Variants in SNAPC1 observed in about 807,000 individuals in gnomAD.
SNAPC1 encodes small nuclear RNA activating complex polypeptide 1, also known as snRNA-activating protein complex subunit 1.
A neutral mutation model predicts 50.1 loss-of-function variants in SNAPC1; 42 were observed. That is an observed-to-expected ratio of 0.84 (90% CI 0.65 to 1.08). SNAPC1 has a LOEUF of 1.08. Ranked by LOEUF, SNAPC1 falls within the 50% of genes least tolerant of loss-of-function variation. SNAPC1 has a pLI of 0.00. For missense variants in SNAPC1, 477 were observed against 427.3 expected (o/e 1.12, Z -1.02); for synonymous variants, 164 against 144.2 (o/e 1.14, Z -0.98).
chr14:61,762,436 C>G lies in SNAPC1; in HGVS notation c.-25C>G. 6.2e-7 allele frequency: 1 copy of G among 1,607,430 alleles called. No individual in the cohort carries two copies. ...TAGTCCGTTAGAGGCGTGCGGGCTT[C>G]GGAGGCGTGCGGGCTTCGGGTGCCA... On this transcript the variant is annotated 5_prime_UTR_variant, in exon 1 of 10. Transcript: ENST00000216294.
At chr14:61,792,473 A>G (rs909536961) in intron 8 of SNAPC1, among the ~76,000 whole-genome samples, 1 of 152,164 alleles carries the variant, frequency 6.6e-6, no homozygotes. Context: ...TTGAAGTAAC[A>G]TATGTGATTA....
intron 4 of SNAPC1, among the ~76,000 whole-genome samples, chr14:61,772,864 T>C (rs1312872243): frequency 6.6e-6 from 1 of 152,196 alleles, no homozygotes; most frequent in African/African-American, 2.4e-5. Context: ...AGCTATGAAA[T>C]GCCTATACCT....
intron 8 of SNAPC1, among the ~76,000 whole-genome samples, chr14:61,785,565 A>T: frequency 6.6e-6 from 1 of 152,230 alleles, no homozygotes; most frequent in Admixed American, 6.5e-5. Flanking sequence ...ATACAACCTC[A>T]GGAAGTCCTG....
intron 2 of SNAPC1, 60 bp downstream of exon 2, chr14:61,767,095 T>C (rs2044953701): frequency 8.8e-7 from 1 of 1,132,382 alleles, no homozygotes; most frequent in African/African-American, 1.6e-5. Context: ...CATATTTTTA[T>C]AATAAATATT....
chr14:61,786,138 A>C (rs2045114552), intron 8 of SNAPC1, among the ~76,000 whole-genome samples: 1 of 152,230 alleles, frequency 6.6e-6, no homozygotes, highest in Non-Finnish European at 1.5e-5. Context: ...CTTATCCAAA[A>C]AAAAATTCAA....
intron 3 of SNAPC1, 106 bp from the exon 4 acceptor site, chr14:61,768,530 A>G: frequency 1.7e-6 from 1 of 597,846 alleles, no homozygotes; most frequent in Non-Finnish European, 2.9e-6. Flanking sequence ...GTTTTGTTTT[A>G]TCTGTGTTTA....
intron 9 of SNAPC1, among the ~76,000 whole-genome samples, chr14:61,794,395 T>G (rs1051474938): frequency 6.6e-6 from 1 of 152,086 alleles, no homozygotes; most frequent in Non-Finnish European, 1.5e-5. Context: ...TTTGTTGTTA[T>G]GTGTTTTTTT....
intron 4 of SNAPC1, among the ~76,000 whole-genome samples, chr14:61,771,619 G>C (rs2044992053): frequency 1.3e-5 from 2 of 152,186 alleles, no homozygotes; most frequent in African/African-American, 4.8e-5. Context: ...AAGTTTTAGA[G>C]ATTGGAGAGA....
intron 8 of SNAPC1, among the ~76,000 whole-genome samples, chr14:61,788,093 T>C (rs2045127665): frequency 6.6e-6 from 1 of 152,216 alleles, no homozygotes; most frequent in African/African-American, 2.4e-5. Flanking sequence ...AACAACTGTT[T>C]TGTAAATTCT....
At chr14:61,778,716 C>T in intron 6 of SNAPC1, 132 bp from the exon 7 acceptor site, 1 of 657,096 alleles carries the variant, frequency 1.5e-6, no homozygotes, top group Non-Finnish European at 2.7e-6. Flanking sequence ...AATGTATACC[C>T]AATGTATGTT....
At position 61,796,214 on chromosome 14, in the gene SNAPC1, A is replaced by C. The variant is rs1481474146; in HGVS notation, c.*1231A>C. ...GCCAGGCGTGGTGGCGGGCGCCTGT[A>C]ATCCCAGCTACTCGGGAAGCTGAGG... is the stretch of plus-strand genomic sequence containing the variant. On this transcript the variant is annotated 3_prime_UTR_variant, in exon 10 of 10. Transcript: ENST00000216294. 6.6e-6 allele frequency: 1 copy of C among 152,338 alleles called. No homozygotes were observed. Among genetic ancestry groups the C allele is most frequent in the Non-Finnish European group, 1.5e-5 (1 of 68,214 alleles). The allele number at this position is 152,338 out of a possible 1,614,324, so 9.4% of individuals were successfully genotyped here. A position where few individuals can be genotyped will look rare whatever the true frequency, so the allele number is the denominator to read the frequency against.
At chr14:61,779,435 G>A (rs1461512073) in intron 7 of SNAPC1, among the ~76,000 whole-genome samples, 2 of 151,384 alleles carry the variant, frequency 1.3e-5, no homozygotes, top group Non-Finnish European at 2.9e-5. Context: ...TCCAGTCTCT[G>A]TCTCATTTTC....
intron 8 of SNAPC1, among the ~76,000 whole-genome samples, chr14:61,792,301 T>C (rs2045157796): frequency 6.6e-6 from 1 of 152,196 alleles, no homozygotes; most frequent in African/African-American, 2.4e-5. Flanking sequence ...AGAAGGTTGA[T>C]GTAGAGAACC....
chr14:61,773,842 G>C (rs1009791690), intron 4 of SNAPC1, among the ~76,000 whole-genome samples: 1 of 151,774 alleles, frequency 6.6e-6, no homozygotes, highest in Admixed American at 6.6e-5. Flanking sequence ...CGAGTAGCTC[G>C]GACAACAGGC....
At chr14:61,794,284 CTTA>C (rs925169901) in intron 9 of SNAPC1, among the ~76,000 whole-genome samples, 22 of 152,006 alleles carry the variant, frequency 1.4e-4, no homozygotes, top group Non-Finnish European at 1.5e-4. Flanking sequence ...TTCACAGTAA[CTTA>C]TTATTAATTA....
chr14:61,786,253 A>G (rs879726846), intron 8 of SNAPC1, among the ~76,000 whole-genome samples: 37 of 151,308 alleles, frequency 2.4e-4, no homozygotes, highest in Admixed American at 5.3e-4. Flanking sequence ...TTTTAAATAC[A>G]TGACACAATA....
intron 8 of SNAPC1, among the ~76,000 whole-genome samples, chr14:61,789,726 T>C (rs1594652675): frequency 6.6e-6 from 1 of 152,090 alleles, no homozygotes; most frequent in African/African-American, 2.4e-5. Flanking sequence ...AAAAATATGT[T>C]GAGGATTGTA....
intron 1 of SNAPC1, among the ~76,000 whole-genome samples, chr14:61,763,609 C>T (rs2044925366): frequency 6.6e-6 from 1 of 151,180 alleles, no homozygotes; most frequent in African/African-American, 2.4e-5. Flanking sequence ...AAATGACATC[C>T]TCGGGGGAAG....
chr14:61,779,064 C>G (rs1197725639), intron 7 of SNAPC1, among the ~76,000 whole-genome samples, 154 bp downstream of exon 7: 3 of 152,188 alleles, frequency 2.0e-5, no homozygotes, highest in Non-Finnish European at 2.9e-5. Flanking sequence ...TCTGCCACTT[C>G]CCACCCTTGT....
Sources: gnomAD v4.1 joint callset for allele counts (sites outside exome capture counted in the v4.1 genomes callset) on GRCh38, gnomAD v4.1.1 for gene constraint, MANE v1.5 for transcripts, NCBI Gene and HGNC (gene_info 2026-07-23, HGNC 2026-07-21) for gene names.